HDAC4: variants seen among roughly 807,000 people sequenced by gnomAD.
HDAC4 encodes the protein histone deacetylase 4, also known as histone deacetylase A.
A neutral mutation model predicts 135.1 loss-of-function variants in HDAC4; 16 were observed. That is an observed-to-expected ratio of 0.12 (90% CI 0.08 to 0.18). The LOEUF is 0.18. Ranked by LOEUF, HDAC4 falls within the 10% of genes least tolerant of loss-of-function variation. HDAC4 has a pLI of 1.00. For missense variants in HDAC4, 1,143 were observed against 1,511.8 expected, an observed-to-expected ratio of 0.76 and a Z score of 4.05; for synonymous variants, 685 against 653.4, an observed-to-expected ratio of 1.05 and a Z score of -0.74.
At position 239,309,804 on chromosome 2, in the gene HDAC4, T is replaced by C. The variant is rs1210459391; in HGVS notation, c.22+42874A>G. ...TGTGAGGACTGGTGTTGATAAAACA[T>C]TCCAACCACACACTCAGACCATGGA... is the stretch of plus-strand genomic sequence containing the variant. On this transcript the variant is annotated intron_variant, in intron 2 of 26. Coordinates refer to ENST00000543185, the MANE Select transcript of HDAC4 (RefSeq NM_001378414.1). This position sits in a 1 kb window ranked among gnomAD's most constrained non-coding sequence, Gnocchi z 4.2. 6.6e-6 allele frequency among the ~76,000 whole-genome samples: 1 copy of C among 152,174 alleles called. No homozygotes were observed. Among genetic ancestry groups the C allele is most frequent in the Non-Finnish European group, 1.5e-5 (1 of 68,022 alleles).
intron 23 of HDAC4, among the ~76,000 whole-genome samples, chr2:239,067,782 C>T (rs924828838): frequency 5.9e-5 from 9 of 152,174 alleles, no homozygotes; most frequent in Non-Finnish European, 5.9e-5. Flanking sequence ...CCTCCTTGGC[C>T]GCCTGTGCCG....
Position 239,127,048 on chromosome 2 carries a change from T to C in HDAC4, c.1295-354A>G, listed in dbSNP as rs563855143. ...GGGCCACAGGCCCTAGAAAAGTGGGTTTTGGTCTGAACAGCACGGTGGGAG... is the reference window on the plus strand; with the variant it reads ...GGGCCACAGGCCCTAGAAAAGTGGGCTTTGGTCTGAACAGCACGGTGGGAG... On this transcript the variant is annotated intron_variant, in intron 11 of 26. Transcript: ENST00000543185. 1.3e-4 allele frequency among the ~76,000 whole-genome samples: 20 copies of C among 151,740 alleles called. 1 individual carries two copies. In the South Asian group the frequency reaches 3.8e-3, roughly 29 times the overall value.
intron 1 of HDAC4, among the ~76,000 whole-genome samples, chr2:239,359,160 A>T (rs1693702062): frequency 6.6e-6 from 1 of 152,250 alleles, no homozygotes; most frequent in Non-Finnish European, 1.5e-5. Flanking sequence ...TTATATTATG[A>T]AAACTTCAAA....
chr2:239,356,076 CA>C (rs1559381661), intron 1 of HDAC4, among the ~76,000 whole-genome samples: 1 of 152,132 alleles, frequency 6.6e-6, no homozygotes, highest in Admixed American at 6.5e-5. Context: ...GTAGACTATT[CA>C]AAACTATGCT....
At chr2:239,297,222 C>T (rs572930520) in intron 2 of HDAC4, among the ~76,000 whole-genome samples, 170 of 152,268 alleles carry the variant, frequency 1.1e-3, no homozygotes, top group African/African-American at 4.0e-3. Flanking sequence ...CCAACCTTCC[C>T]ACGAGCAGCC....
intron 3 of HDAC4, among the ~76,000 whole-genome samples, chr2:239,206,340 A>T (rs943894331): frequency 6.6e-6 from 1 of 152,164 alleles, no homozygotes; most frequent in Non-Finnish European, 1.5e-5. Context: ...AAAAAAAGAA[A>T]GTAATTAAAT....
intron 1 of HDAC4, among the ~76,000 whole-genome samples, chr2:239,371,660 GACTC>G (rs1357471320): frequency 1.6e-4 from 24 of 152,088 alleles, no homozygotes; most frequent in African/African-American, 3.4e-4. Context: ...CATACGCACG[GACTC>G]ACTCACACAC....
chr2:239,062,020 G>A (rs1440243881), intron 24 of HDAC4, among the ~76,000 whole-genome samples: 4 of 152,240 alleles, frequency 2.6e-5, no homozygotes, highest in Non-Finnish European at 5.9e-5. Context: ...TCTGGTGCAG[G>A]GTCTTTGATG....
chr2:239,359,166 T>C (rs2125951736), intron 1 of HDAC4, among the ~76,000 whole-genome samples: 1 of 152,338 alleles, frequency 6.6e-6, no homozygotes, highest in East Asian at 1.9e-4. Context: ...TATGAAAACT[T>C]CAAACATATA....
intron 3 of HDAC4, among the ~76,000 whole-genome samples, chr2:239,228,769 T>C (rs1193692406): frequency 6.6e-6 from 1 of 152,122 alleles, no homozygotes; most frequent in East Asian, 1.9e-4. Context: ...ACTTGAGGAT[T>C]ACTCGACACC....
chr2:239,126,747 G>A (rs2152852630), intron 11 of HDAC4, 53 bp from the exon 12 acceptor site: 1 of 1,567,284 alleles, frequency 6.4e-7, no homozygotes. Context: ...GAAGAGAGGA[G>A]GGAGAGAGGG....
At chr2:239,160,187 GAATT>G (rs533107282) in intron 6 of HDAC4, among the ~76,000 whole-genome samples, 4 of 152,154 alleles carry the variant, frequency 2.6e-5, no homozygotes, top group Non-Finnish European at 1.5e-5. Flanking sequence ...TAAATGGGTG[GAATT>G]AATTTTAGTA....
At chr2:239,360,210 G>A (rs912453197) in intron 1 of HDAC4, among the ~76,000 whole-genome samples, 2 of 152,172 alleles carry the variant, frequency 1.3e-5, no homozygotes, top group Non-Finnish European at 2.9e-5. Context: ...AGGCAGCGCC[G>A]CCAATGTGGG....
At chr2:239,206,460 A>T (rs896931566) in intron 3 of HDAC4, among the ~76,000 whole-genome samples, 2 of 152,274 alleles carry the variant, frequency 1.3e-5, no homozygotes, top group Middle Eastern at 3.4e-3. Context: ...GCACCATTGC[A>T]TCTATAAAGT....
At chr2:239,066,974 C>A (rs1451461566) in intron 23 of HDAC4, 119 bp from the exon 24 acceptor site, 1 of 1,250,818 alleles carries the variant, frequency 8.0e-7, no homozygotes, top group African/African-American at 1.5e-5. Flanking sequence ...AGACACATGG[C>A]CAGGCCGGGT....
intron 2 of HDAC4, among the ~76,000 whole-genome samples, chr2:239,294,530 G>C (rs1009470433): frequency 6.6e-6 from 1 of 152,192 alleles, no homozygotes; most frequent in Non-Finnish European, 1.5e-5. Context: ...AGCTCTGTTA[G>C]ACCTAGGCTT....
chr2:239,197,839 C>T (rs980403692), intron 3 of HDAC4, among the ~76,000 whole-genome samples: 4 of 83,014 alleles, frequency 4.8e-5, no homozygotes, highest in African/African-American at 2.0e-4. Context: ...TGATAGCTCA[C>T]TAAAAGTTTG....
At chr2:239,203,215 A>C (rs2045864629) in intron 3 of HDAC4, among the ~76,000 whole-genome samples, 1 of 152,184 alleles carries the variant, frequency 6.6e-6, no homozygotes, top group Non-Finnish European at 1.5e-5. Flanking sequence ...CTAGCCCTGG[A>C]GACTCCAAAC....
intron 2 of HDAC4, chr2:239,298,523 C>A (rs2052049301): frequency 9.7e-7 from 1 of 1,034,342 alleles, no homozygotes; most frequent in Non-Finnish European, 1.2e-6. Flanking sequence ...ACAGGGGCCT[C>A]CTCATTTAGT....
Sources: allele counts gnomAD v4.1 joint callset (sites outside exome capture counted in the v4.1 genomes callset), GRCh38; gene constraint gnomAD v4.1.1; non-coding constraint Gnocchi (gnomAD v3.1); transcripts MANE v1.5; gene names NCBI Gene and HGNC (gene_info 2026-07-23, HGNC 2026-07-21).